KANSL1L: variants seen among roughly 807,000 people sequenced by gnomAD.
KANSL1L encodes the protein KAT8 regulatory NSL complex subunit 1-like protein.
Under a neutral mutation model 108.6 loss-of-function variants are expected in KANSL1L, and 25 were observed. The ratio of observed to expected loss-of-function variants is 0.23; its 90% CI spans 0.17 to 0.32. The LOEUF is 0.32. KANSL1L is among the 10% of genes least tolerant of loss of function. KANSL1L has a pLI of 1.00. For missense variants in KANSL1L, 1,137 were observed against 1,125.7 expected (o/e 1.01, Z -0.14); for synonymous variants, 405 against 395.1 (o/e 1.03, Z -0.30).
At chr2:210,141,798 A>G (rs867503708) in intron 2 of KANSL1L, among the ~76,000 whole-genome samples, 1 of 152,236 alleles carries the variant, frequency 6.6e-6, no homozygotes, top group Middle Eastern at 3.4e-3. Flanking sequence ...TTCTTCTGCA[A>G]ATGTATTAAG....
chr2:210,031,828 T>C (rs566703838), intron 8 of KANSL1L, among the ~76,000 whole-genome samples: 28 of 152,198 alleles, frequency 1.8e-4, no homozygotes, highest in Non-Finnish European at 3.4e-4. Flanking sequence ...GGCTCAGATA[T>C]ATAAATCTTG....
intron 3 of KANSL1L, among the ~76,000 whole-genome samples, chr2:210,121,289 C>A (rs1409474946): frequency 2.0e-5 from 3 of 152,128 alleles, no homozygotes; most frequent in Non-Finnish European, 2.9e-5. Flanking sequence ...ATGTGGTACA[C>A]ATACACCATG....
At chr2:210,133,688 C>T (rs1180254402) in intron 2 of KANSL1L, among the ~76,000 whole-genome samples, 2 of 152,048 alleles carry the variant, frequency 1.3e-5, no homozygotes, top group African/African-American at 4.8e-5. Flanking sequence ...CATGTATAGC[C>T]ATACAGCATT....
intron 6 of KANSL1L, among the ~76,000 whole-genome samples, chr2:210,064,814 C>G (rs2094451492): frequency 2.8e-5 from 3 of 106,474 alleles, no homozygotes; most frequent in Non-Finnish European, 5.6e-5. Context: ...ATCCCTCCCC[C>G]ACCAAAAAAA....
intron 1 of KANSL1L, among the ~76,000 whole-genome samples, chr2:210,156,287 G>T (rs1323102214): frequency 6.6e-6 from 1 of 151,944 alleles, no homozygotes; most frequent in Non-Finnish European, 1.5e-5. Context: ...CATATCATGA[G>T]ATGTAAGACT....
chr2:210,025,978 C>T (rs1333414004), intron 12 of KANSL1L, among the ~76,000 whole-genome samples: 1 of 152,076 alleles, frequency 6.6e-6, no homozygotes, highest in African/African-American at 2.4e-5. Flanking sequence ...ATGGATCGTC[C>T]ATTGTGGAGT....
At chr2:210,081,164 A>C (rs572104090) in intron 5 of KANSL1L, among the ~76,000 whole-genome samples, 15 of 152,074 alleles carry the variant, frequency 9.9e-5, no homozygotes, top group Admixed American at 2.0e-4. Flanking sequence ...CAAATGGAGC[A>C]CTTCCCAATG....
chr2:210,080,219 A>C (rs1335238382), intron 5 of KANSL1L: 1 of 152,164 alleles, frequency 6.6e-6, no homozygotes, highest in Non-Finnish European at 1.5e-5. Flanking sequence ...TGAAAGACTT[A>C]AATCCTTAAT....
rs2093883350 is a variant in KANSL1L, at chr2:210,023,123, T to A, written c.2790A>T (p.Leu930Phe). 1 of 1,613,946 alleles carries A rather than the reference T, an allele frequency of 6.2e-7. No homozygotes were observed. The highest frequency in any genetic ancestry group is 1.7e-5 in the Admixed American group (1 of 60,004). The part of the protein sequence containing the change: ...FPLKGEDMAA[L>F]LCQDEKKDQV... Reference sequence around the variant, plus strand: ...GATCCTTTTTTTCATCTTGACATAATAAGGCTGCCATGTCTTCACCCTTCA... The same window carrying A: ...GATCCTTTTTTTCATCTTGACATAAAAAGGCTGCCATGTCTTCACCCTTCA... The change falls in exon 15 of 15, where the codon TTA (leucine) becomes TTT (phenylalanine). Residue 930 changes from leucine to phenylalanine, a missense_variant. Around this residue, in one of 3 missense-constraint regions of KANSL1L, gnomAD observed 575 missense variants for 567.1 expected, o/e 1.01. Transcript: ENST00000281772.
chr2:210,076,641 C>T (rs1175088664), intron 5 of KANSL1L, among the ~76,000 whole-genome samples: 4 of 151,870 alleles, frequency 2.6e-5, no homozygotes, highest in Admixed American at 2.6e-4. Flanking sequence ...CTAAGCTACA[C>T]ATGAAAAGAG....
intron 1 of KANSL1L, among the ~76,000 whole-genome samples, chr2:210,166,231 GCAA>G (rs1687953241): frequency 1.3e-5 from 2 of 152,122 alleles, no homozygotes; most frequent in East Asian, 3.9e-4. Flanking sequence ...TTAATTAAAT[GCAA>G]TCTGATCCCT....
intron 6 of KANSL1L, among the ~76,000 whole-genome samples, chr2:210,062,826 A>G (rs1227703544): frequency 6.6e-6 from 1 of 152,222 alleles, no homozygotes; most frequent in Admixed American, 6.5e-5. Context: ...GGGAAACAGC[A>G]TAAAATTTGG....
intron 2 of KANSL1L, among the ~76,000 whole-genome samples, chr2:210,146,319 C>T (rs1432841815): frequency 6.6e-6 from 1 of 152,182 alleles, no homozygotes; most frequent in African/African-American, 2.4e-5. Flanking sequence ...GGAAAGATAT[C>T]TAGTTCTTGT....
chr2:210,141,163 TG>T (rs1249007307), intron 2 of KANSL1L, among the ~76,000 whole-genome samples: 2 of 30,090 alleles, frequency 6.6e-5, no homozygotes, highest in Non-Finnish European at 2.0e-4. Flanking sequence ...CACTCCTCTC[TG>T]TTTTCTTTCT....
At chr2:210,071,350 C>A (rs895553361) in intron 6 of KANSL1L, among the ~76,000 whole-genome samples, 1 of 151,838 alleles carries the variant, frequency 6.6e-6, no homozygotes, top group Non-Finnish European at 1.5e-5. Flanking sequence ...TCGCTGCAAC[C>A]TCCGCGTCTC....
intron 2 of KANSL1L, among the ~76,000 whole-genome samples, chr2:210,140,983 A>G (rs1336472581): frequency 1.3e-5 from 2 of 152,116 alleles, no homozygotes; most frequent in Admixed American, 1.3e-4. Context: ...TGAAACGCTA[A>G]TTAATTTATT....
At position 210,027,238 on chromosome 2, in the gene KANSL1L, T is replaced by TAAG. The variant is rs2093950720; in HGVS notation, c.2451+55_2451+57dup. The stretch of plus-strand genomic sequence containing the variant: ...TCCTTTAGTTCCCTGAATGTCAAAG[T>TAAG]AAGCAGGTTTCATAATACATAATGT... On this transcript the variant is annotated intron_variant, in intron 12 of 14. Transcript: ENST00000281772. The TAAG allele has an allele frequency of 6.3e-6, 7 of 1,119,412 alleles. No homozygotes were observed. The East Asian group carries it at 1.6e-4, about 26-fold the overall frequency. 69.3% of individuals were successfully genotyped at this position (1,119,412 alleles called of 1,614,324 possible). A position where few individuals can be genotyped will look rare whatever the true frequency, so the allele number is the denominator to read the frequency against.
intron 8 of KANSL1L, among the ~76,000 whole-genome samples, chr2:210,036,849 C>T (rs529044442): frequency 1.3e-5 from 2 of 152,166 alleles, no homozygotes; most frequent in East Asian, 3.9e-4. Flanking sequence ...CTCAACCTCC[C>T]AGGCTCGGAT....
chr2:210,085,776 A>C (rs536144861), intron 5 of KANSL1L, among the ~76,000 whole-genome samples: 4 of 151,616 alleles, frequency 2.6e-5, no homozygotes, highest in Admixed American at 2.6e-4. Context: ...TACATACATA[A>C]TTTTGTATAG....
Sources: gnomAD v4.1 joint callset for allele counts (sites outside exome capture counted in the v4.1 genomes callset) on GRCh38, gnomAD v4.1.1 for gene constraint, gnomAD v4.1.1 regional missense constraint, MANE v1.5 for transcripts, NCBI Gene and HGNC (gene_info 2026-07-23, HGNC 2026-07-21) for gene names.